Variants in RASSF3 observed in about 807,000 individuals in gnomAD.
RASSF3 encodes the protein ras association domain-containing protein 3.
RASSF3 carries 19 observed loss-of-function variants against 19.9 expected under a neutral mutation model. The ratio of observed to expected loss-of-function variants is 0.96; its 90% CI spans 0.67 to 1.40. RASSF3 has a LOEUF of 1.40. RASSF3 is among the 40% of genes most tolerant of loss of function. The pLI is 0.00. For missense variants in RASSF3, 306 were observed against 289.8 expected, an observed-to-expected ratio of 1.06 and a Z score of -0.41; for synonymous variants, 110 against 104.2, an observed-to-expected ratio of 1.06 and a Z score of -0.34.
chr12:64,547,387 G>A lies in RASSF3; in HGVS notation c.294+5682G>A, dbSNP rs544211551. 1.6e-3 allele frequency among the ~76,000 whole-genome samples: 245 copies of A among 151,692 alleles called. 1 individual carries two copies. Among genetic ancestry groups the A allele is most frequent in the Non-Finnish European group, 2.9e-3 (199 of 67,946 alleles). On this transcript the variant is annotated intron_variant, in intron 2 of 5. Transcript: ENST00000637125. ...TTGAGACCATCCTGGCCAACATAAT[G>A]AAACCCCCATCTCTACTAAAAATAC...
chr12:64,653,008 T>C (rs190084939), intron 1 of RASSF3, among the ~76,000 whole-genome samples: 1 of 152,336 alleles, frequency 6.6e-6, no homozygotes, highest in East Asian at 1.9e-4. Flanking sequence ...CATTGGTTTA[T>C]ACATGATTGT....
chr12:64,668,705 G>A (rs186839917), intron 1 of RASSF3, among the ~76,000 whole-genome samples: 3,307 of 129,374 alleles, frequency 0.026, 78 homozygotes, highest in Non-Finnish European at 0.037. Context: ...TTTTTGAAAC[G>A]GAGTCTCACT....
intron 1 of RASSF3, among the ~76,000 whole-genome samples, chr12:64,673,708 A>G (rs550610093): frequency 3.0e-4 from 45 of 152,268 alleles, no homozygotes; most frequent in East Asian, 9.6e-4. Flanking sequence ...CCTTTCTTAC[A>G]TAGCTCACCT....
upstream of RASSF3, among the ~76,000 whole-genome samples, chr12:64,530,096 T>C (rs1868674722): frequency 6.6e-6 from 1 of 152,174 alleles, no homozygotes; most frequent in African/African-American, 2.4e-5. Context: ...TAATCCTTCT[T>C]GTTCACTCCT....
intron 1 of RASSF3, among the ~76,000 whole-genome samples, chr12:64,641,414 A>ACACACACACACACACACACACATGCGCG: frequency 2.1e-5 from 3 of 142,100 alleles, no homozygotes; most frequent in African/African-American, 8.4e-5. Flanking sequence ...ACACACACAC[A>ACACACACACACACACACACACATGCGCG]CGCGCGCGCG....
At chr12:64,685,782 C>T (rs548674420) in intron 2 of RASSF3, among the ~76,000 whole-genome samples, 77 of 152,324 alleles carry the variant, frequency 5.1e-4, no homozygotes, top group Non-Finnish European at 8.8e-4. Flanking sequence ...GATAGGGAAA[C>T]GAGCTGACAG....
At chr12:64,624,816 C>G (rs1870927920) in intron 1 of RASSF3, among the ~76,000 whole-genome samples, 1 of 151,810 alleles carries the variant, frequency 6.6e-6, no homozygotes, top group Non-Finnish European at 1.5e-5. Context: ...CTACCACCAC[C>G]CCCGGGTAAT....
chr12:64,625,026 G>A (rs1232076889), intron 1 of RASSF3, among the ~76,000 whole-genome samples: 1 of 152,026 alleles, frequency 6.6e-6, no homozygotes, highest in Non-Finnish European at 1.5e-5. Flanking sequence ...TTTCATTTGA[G>A]GGTAGTAGAC....
At chr12:64,526,081 GGTGA>G (rs1173943206) in intron 1 of RASSF3, among the ~76,000 whole-genome samples, 3 of 152,078 alleles carry the variant, frequency 2.0e-5, no homozygotes, top group Non-Finnish European at 4.4e-5. Context: ...AACTATCTGG[GGTGA>G]TTATTCATAC....
At chr12:64,542,987 G>A, downstream of RASSF3, among the ~76,000 whole-genome samples, 1 of 151,522 alleles carries the variant, frequency 6.6e-6, no homozygotes, top group Non-Finnish European at 1.5e-5. Flanking sequence ...TTCCGGGTGG[G>A]CGTGGGCTTG....
Position 64,695,006 on chromosome 12 carries a change from C to A in RASSF3, c.*94C>A. 1.4e-6 allele frequency: 2 copies of A among 1,379,910 alleles called. No homozygotes were observed. The highest frequency in any genetic ancestry group is 2.0e-6 in the Non-Finnish European group (2 of 1,004,352). The allele number at this position is 1,379,910 out of a possible 1,614,324, so 85.5% of individuals were successfully genotyped here. ...CTCAGAGGGCTGCTGTCTTGCCCCACTATGCTAGGGTCTTCGCCTTTCTAT... is the reference window on the plus strand; with the variant it reads ...CTCAGAGGGCTGCTGTCTTGCCCCAATATGCTAGGGTCTTCGCCTTTCTAT... On this transcript the variant is annotated 3_prime_UTR_variant, in exon 5 of 5. Transcript: ENST00000542104.
At chr12:64,617,096 C>G (rs759548729) in intron 1 of RASSF3, among the ~76,000 whole-genome samples, 5 of 152,122 alleles carry the variant, frequency 3.3e-5, no homozygotes, top group Non-Finnish European at 7.3e-5. Context: ...GATGGATGTC[C>G]CAGTATTTGG....
chr12:64,652,576 A>T (rs1872000208), intron 1 of RASSF3, among the ~76,000 whole-genome samples: 1 of 152,044 alleles, frequency 6.6e-6, no homozygotes, highest in African/African-American at 2.4e-5. Flanking sequence ...CAGATGGGTT[A>T]ATTTAATTGT....
At chr12:64,522,647 A>G (rs148144243) in intron 1 of RASSF3, among the ~76,000 whole-genome samples, 31 of 152,264 alleles carry the variant, frequency 2.0e-4, no homozygotes, top group African/African-American at 7.0e-4. Flanking sequence ...GTTGATTCAT[A>G]TAAGGACTAT....
At chr12:64,645,767 C>G (rs1392477155) in intron 1 of RASSF3, among the ~76,000 whole-genome samples, 1 of 152,072 alleles carries the variant, frequency 6.6e-6, no homozygotes, top group East Asian at 1.9e-4. Flanking sequence ...CACTTATATA[C>G]AATAAAATGC....
chr12:64,649,279 G>A (rs527645864), intron 1 of RASSF3, among the ~76,000 whole-genome samples: 4 of 151,306 alleles, frequency 2.6e-5, no homozygotes, highest in Admixed American at 1.3e-4. Context: ...TGCAAGCTCC[G>A]CCTCCCGGGT....
chr12:64,511,732 C>T (rs556678282), intron 1 of RASSF3, among the ~76,000 whole-genome samples: 111 of 152,214 alleles, frequency 7.3e-4, no homozygotes, highest in Non-Finnish European at 1.3e-3. Flanking sequence ...TCCAGGACAC[C>T]CCCTTGAAGA....
At chr12:64,597,607 A>G (rs184674887) in intron 2 of RASSF3, among the ~76,000 whole-genome samples, 18 of 151,572 alleles carry the variant, frequency 1.2e-4, no homozygotes. Context: ...ACAGTCGTGC[A>G]CCACCACGCC....
At chr12:64,661,901 G>A (rs1872378606) in intron 1 of RASSF3, among the ~76,000 whole-genome samples, 1 of 150,264 alleles carries the variant, frequency 6.7e-6, no homozygotes, top group South Asian at 2.1e-4. Flanking sequence ...GGCGGTTCTC[G>A]AACTCTTGAC....
Sources: allele counts gnomAD v4.1 joint callset (sites outside exome capture counted in the v4.1 genomes callset), GRCh38; gene constraint gnomAD v4.1.1; transcripts MANE v1.5; gene names NCBI Gene and HGNC (gene_info 2026-07-23, HGNC 2026-07-21).